The following KAZN variants were observed in gnomAD, a reference collection of about 807,000 sequenced individuals.
The protein encoded by KAZN is kazrin, periplakin interacting protein.
KAZN carries 40 observed loss-of-function variants against 87.4 expected under a neutral mutation model. The observed-to-expected ratio is 0.46, with a 90% CI of 0.36 to 0.60. KAZN has a LOEUF of 0.60. Ranked by LOEUF, KAZN falls within the 20% of genes least tolerant of loss-of-function variation. KAZN has a pLI of 0.00. For synonymous variants in KAZN, 466 were observed against 458.3 expected (o/e 1.02, Z -0.22); for missense variants, 898 against 1,073.9 (o/e 0.84, Z 2.29).
chr1:14,873,406 T>C (rs1652406497), intron 1 of KAZN, among the ~76,000 whole-genome samples: 2 of 152,208 alleles, frequency 1.3e-5, no homozygotes, highest in Middle Eastern at 3.4e-3. Context: ...TGCAGAATAA[T>C]GGGGCTGCTG....
chr1:15,051,471 C>T (rs1299702412), intron 4 of KAZN, among the ~76,000 whole-genome samples: 1 of 152,210 alleles, frequency 6.6e-6, no homozygotes, highest in Non-Finnish European at 1.5e-5. Flanking sequence ...TGGGCCAGAC[C>T]GGATCCTTGA....
At chr1:14,319,321 A>G (rs1420687605) in intron 2 of KAZN, among the ~76,000 whole-genome samples, 1 of 152,030 alleles carries the variant, frequency 6.6e-6, no homozygotes, top group Non-Finnish European at 1.5e-5. Context: ...TTGAGTGATT[A>G]CTGAATCACC....
At chr1:13,926,491 C>T (rs745646790) in intron 1 of KAZN, among the ~76,000 whole-genome samples, 1 of 152,166 alleles carries the variant, frequency 6.6e-6, no homozygotes, top group African/African-American at 2.4e-5. Context: ...CACATTTCCC[C>T]TGCCTTTTCC....
chr1:14,861,782 T>G (rs922218165), intron 1 of KAZN, among the ~76,000 whole-genome samples: 1 of 152,132 alleles, frequency 6.6e-6, no homozygotes, highest in African/African-American at 2.4e-5. Flanking sequence ...GCCCAAGAGA[T>G]GCATGCATAC....
intron 2 of KAZN, among the ~76,000 whole-genome samples, chr1:14,207,233 G>A (rs1046862852): frequency 1.3e-5 from 2 of 152,048 alleles, no homozygotes; most frequent in Non-Finnish European, 2.9e-5. Context: ...CAAAGTGCTA[G>A]GATTACAAGT....
chr1:14,919,446 G>C (rs1258854779), intron 1 of KAZN, among the ~76,000 whole-genome samples: 2 of 152,188 alleles, frequency 1.3e-5, no homozygotes, highest in African/African-American at 2.4e-5. Context: ...CGAAGTGCTG[G>C]GATTACAGGC....
intron 2 of KAZN, among the ~76,000 whole-genome samples, chr1:14,212,595 T>C (rs1348937586): frequency 1.3e-5 from 2 of 152,142 alleles, no homozygotes; most frequent in Non-Finnish European, 2.9e-5. Flanking sequence ...TGAGACCTAC[T>C]TGATCAATTT....
At chr1:14,969,084 C>T (rs1664756950) in intron 2 of KAZN, among the ~76,000 whole-genome samples, 1 of 152,198 alleles carries the variant, frequency 6.6e-6, no homozygotes, top group African/African-American at 2.4e-5. Flanking sequence ...GCAGGTGCAG[C>T]CATGCCCTGG....
At chr1:14,647,263 A>G (rs1289253716) in intron 1 of KAZN, among the ~76,000 whole-genome samples, 2 of 152,206 alleles carry the variant, frequency 1.3e-5, no homozygotes, top group Non-Finnish European at 1.5e-5. Context: ...AGAATTATGT[A>G]AAAGTAATGA....
At chr1:15,000,155 G>GCTTCCCC (rs1557702180) in intron 2 of KAZN, among the ~76,000 whole-genome samples, 30 of 149,526 alleles carry the variant, frequency 2.0e-4, no homozygotes, top group African/African-American at 7.2e-4. Context: ...TGTGAGACTG[G>GCTTCCCC]AAAAAGGTCA....
chr1:15,092,061 TTTTTTTTTTTGA>T (rs1640563773), intron 8 of KAZN, among the ~76,000 whole-genome samples: 2 of 58,790 alleles, frequency 3.4e-5, no homozygotes, highest in East Asian at 8.2e-3. Flanking sequence ...TGTTTTTTTG[TTTTTTTTTTTGA>T]TTTTTTTTTT....
intron 8 of KAZN, among the ~76,000 whole-genome samples, chr1:15,079,927 C>A (rs1021926069): frequency 1.8e-4 from 27 of 152,210 alleles, no homozygotes; most frequent in African/African-American, 6.0e-4. Flanking sequence ...AGCATAAAGT[C>A]ATTGTCATTG....
At chr1:14,830,903 C>T (rs958471456) in intron 1 of KAZN, among the ~76,000 whole-genome samples, 2 of 152,170 alleles carry the variant, frequency 1.3e-5, no homozygotes, top group Non-Finnish European at 2.9e-5. Flanking sequence ...GTGGACTGAG[C>T]ACCAGGCAGT....
chr1:14,000,844 G>A (rs996873279), intron 1 of KAZN, among the ~76,000 whole-genome samples: 6 of 151,568 alleles, frequency 4.0e-5, no homozygotes, highest in Admixed American at 6.6e-5. Flanking sequence ...GTGCAGTGGC[G>A]GGATCTCGGC....
chr1:14,194,053 C>A (rs1290826855), intron 2 of KAZN, among the ~76,000 whole-genome samples: 3 of 152,158 alleles, frequency 2.0e-5, no homozygotes, highest in African/African-American at 7.2e-5. Flanking sequence ...CTCTGTCATC[C>A]TTCCAACTCT....
At chr1:14,367,436 G>A (rs1168772564) in intron 2 of KAZN, among the ~76,000 whole-genome samples, 1 of 152,082 alleles carries the variant, frequency 6.6e-6, no homozygotes, top group African/African-American at 2.4e-5. Context: ...CTCTCTGATG[G>A]AGCCTGGGGT....
Position 14,386,165 on chromosome 1 carries a change from G to C in KAZN, c.249+205573G>C, listed in dbSNP as rs1394445746. Among the ~76,000 whole-genome samples, 46 of 145,228 alleles carry C rather than the reference G, an allele frequency of 3.2e-4. 1 individual carries two copies. The highest frequency in any genetic ancestry group is 3.2e-3 in the Admixed American group (46 of 14,540). On this transcript the variant is annotated intron_variant, in intron 2 of 16. Coordinates refer to the KAZN transcript ENST00000636203. ...GCCTTTTTTTGTTTTCCATTTGCTTGGTAGATCTTCCTCCATCCTTTTATT... is the reference window on the plus strand; with the variant it reads ...GCCTTTTTTTGTTTTCCATTTGCTTCGTAGATCTTCCTCCATCCTTTTATT...
intron 1 of KAZN, among the ~76,000 whole-genome samples, chr1:14,081,739 C>T (rs1643680274): frequency 6.7e-6 from 1 of 149,560 alleles, no homozygotes; most frequent in African/African-American, 2.4e-5. Flanking sequence ...GCACTCTGTC[C>T]CTTTTGCTTT....
chr1:14,816,700 AATG>A (rs1219203375), intron 1 of KAZN, among the ~76,000 whole-genome samples: 1 of 152,150 alleles, frequency 6.6e-6, no homozygotes, highest in Non-Finnish European at 1.5e-5. Flanking sequence ...ATAAATAGAT[AATG>A]ATAAATTGAT....
Sources: allele counts gnomAD v4.1 joint callset (sites outside exome capture counted in the v4.1 genomes callset), GRCh38; gene constraint gnomAD v4.1.1; transcripts MANE v1.5; gene names NCBI Gene and HGNC (gene_info 2026-07-23, HGNC 2026-07-21).